The following TCF20 variants were observed in gnomAD, a reference collection of about 807,000 sequenced individuals.
TCF20 encodes the protein transcription factor 20.
In TCF20, 3 loss-of-function variants were observed where a neutral mutation model predicts 148.6. The ratio of observed to expected loss-of-function variants is 0.02; its 90% CI spans 0.01 to 0.05. TCF20 has a LOEUF of 0.05. Ranked by LOEUF, TCF20 falls within the 10% of genes least tolerant of loss-of-function variation. The probability of loss-of-function intolerance (pLI) is 1.00; values close to 1 mark genes in which losing one functional copy is unlikely to be tolerated. For synonymous variants in TCF20, 1,049 were observed against 909.5 expected (o/e 1.15, Z -2.76); for missense variants, 2,350 against 2,429.3 (o/e 0.97, Z 0.69).
At chr22:42,341,818 G>C (rs1385107129) in intron 1 of TCF20, among the ~76,000 whole-genome samples, 1 of 152,164 alleles carries the variant, frequency 6.6e-6, no homozygotes, top group Non-Finnish European at 1.5e-5. Context: ...CACATTGAGA[G>C]CAATAATGGA....
chr22:42,179,079 A>C (rs1464796850), intron 3 of TCF20, among the ~76,000 whole-genome samples: 1 of 151,884 alleles, frequency 6.6e-6, no homozygotes, highest in Non-Finnish European at 1.5e-5. Context: ...AGCAAGTGTC[A>C]GGGAGGACCT....
At chr22:42,302,568 A>C (rs4822103) in intron 1 of TCF20, among the ~76,000 whole-genome samples, 96,676 of 152,112 alleles carry the variant, frequency 0.64, 31,007 homozygotes, top group South Asian at 0.72. Context: ...GTGGAAGGCA[A>C]AGACAGAGAC....
At chr22:42,176,078 G>A (rs1342423473) in intron 3 of TCF20, among the ~76,000 whole-genome samples, 1 of 152,198 alleles carries the variant, frequency 6.6e-6, no homozygotes, top group Non-Finnish European at 1.5e-5. Context: ...TTACAGGTGT[G>A]AGCCACCACA....
At chr22:42,281,487 C>G (rs906834928) in intron 1 of TCF20, among the ~76,000 whole-genome samples, 1 of 152,214 alleles carries the variant, frequency 6.6e-6, no homozygotes, top group East Asian at 1.9e-4. Context: ...TCCCTTCCAA[C>G]GGCTTCAGCC....
chr22:42,195,499 A>G (rs1164492238), intron 2 of TCF20, among the ~76,000 whole-genome samples: 1 of 149,876 alleles, frequency 6.7e-6, no homozygotes, highest in African/African-American at 2.5e-5. Flanking sequence ...AATATTACAT[A>G]CTTTTTTTTT....
At chr22:42,289,630 G>A (rs1463187582) in intron 1 of TCF20, among the ~76,000 whole-genome samples, 2 of 152,234 alleles carry the variant, frequency 1.3e-5, no homozygotes, top group African/African-American at 4.8e-5. Context: ...GTGGGTCTGT[G>A]ACCCTGAACT....
chr22:42,267,175 G>A (rs908248342), intron 1 of TCF20, among the ~76,000 whole-genome samples: 1 of 152,138 alleles, frequency 6.6e-6, no homozygotes, highest in African/African-American at 2.4e-5. Flanking sequence ...GCTGAGGCAG[G>A]AGACTCGCTT....
At chr22:42,293,887 C>A (rs1927177887) in intron 1 of TCF20, among the ~76,000 whole-genome samples, 1 of 152,226 alleles carries the variant, frequency 6.6e-6, no homozygotes, top group Non-Finnish European at 1.5e-5. Flanking sequence ...GTAATCCCAG[C>A]TACTCAGGAG....
At chr22:42,188,814 G>A (rs1937184492) in intron 2 of TCF20, among the ~76,000 whole-genome samples, 2 of 152,136 alleles carry the variant, frequency 1.3e-5, no homozygotes, top group East Asian at 3.8e-4. Flanking sequence ...CTGAAATGGG[G>A]AGCCAAAAGT....
rs565349831 is a variant in TCF20 at position 42,239,072 on chromosome 22, C to T, written c.-36-23731G>A. Among the ~76,000 whole-genome samples the T allele has an allele frequency of 7.9e-5, 12 of 151,788 alleles. No homozygotes were observed. The East Asian group carries it at 1.6e-3, about 20-fold the overall frequency. On this transcript the variant is annotated intron_variant, in intron 1 of 5. Coordinates refer to ENST00000677622, the MANE Select transcript of TCF20 (RefSeq NM_001378418.1). ...GGCAGAGCTTGCAGTGAGCCGAAATCGCACCACTGCACTCCAGCCTGGGCG... is the reference window on the plus strand; with the variant it reads ...GGCAGAGCTTGCAGTGAGCCGAAATTGCACCACTGCACTCCAGCCTGGGCG...
chr22:42,313,485 G>A (rs1927572733), intron 1 of TCF20, among the ~76,000 whole-genome samples: 2 of 151,914 alleles, frequency 1.3e-5, no homozygotes, highest in South Asian at 2.1e-4. Flanking sequence ...GGGGTGCCTC[G>A]ATCATCTGCC....
intron 2 of TCF20, among the ~76,000 whole-genome samples, chr22:42,192,474 T>C (rs1022199253): frequency 6.6e-6 from 1 of 152,192 alleles, no homozygotes; most frequent in African/African-American, 2.4e-5. Context: ...GGTTGAGGTA[T>C]TGTCAGGCAA....
intron 1 of TCF20, among the ~76,000 whole-genome samples, chr22:42,225,161 A>T (rs1389052150): frequency 6.6e-6 from 1 of 151,926 alleles, no homozygotes; most frequent in Non-Finnish European, 1.5e-5. Context: ...ACGTCCGGCT[A>T]ATTTTTGTAT....
At position 42,311,238 on chromosome 22, in the gene TCF20, G is replaced by A. The variant is rs75589103; in HGVS notation, c.-37+32241C>T. 5.8e-3 allele frequency among the ~76,000 whole-genome samples: 885 copies of A among 152,366 alleles called. 12 individuals are homozygous for A. The highest frequency in any genetic ancestry group is 0.02 in the African/African-American group (849 of 41,578). On this transcript the variant is annotated intron_variant, in intron 1 of 1. Transcript: ENST00000515426. ...CCTGCGGGGCTGGCGACTGGGACCT[G>A]CAGTCAGGGAGGCAGAAGGGGGCTG... is the stretch of plus-strand genomic sequence containing the variant.
chr22:42,263,824 A>T (rs1332403692), intron 1 of TCF20, among the ~76,000 whole-genome samples: 1 of 151,888 alleles, frequency 6.6e-6, no homozygotes, highest in African/African-American at 2.4e-5. Context: ...TCCTTTTTCC[A>T]CTCAAGAGCC....
chr22:42,287,300 A>G (rs1392487145), upstream of TCF20, among the ~76,000 whole-genome samples: 1 of 152,170 alleles, frequency 6.6e-6, no homozygotes, highest in Non-Finnish European at 1.5e-5. Flanking sequence ...CAAAGAAACC[A>G]GAACGTCTGA....
intron 1 of TCF20, among the ~76,000 whole-genome samples, chr22:42,281,458 C>T (rs182169323): frequency 5.4e-4 from 83 of 152,322 alleles, no homozygotes; most frequent in African/African-American, 1.9e-3. Flanking sequence ...CTTCCACTGT[C>T]GCCGCCTCTC....
chr22:42,168,471 A>C, intron 5 of TCF20, 138 bp downstream of exon 5: 1 of 1,302,850 alleles, frequency 7.7e-7, no homozygotes, highest in African/African-American at 1.5e-5. Context: ...AACCAATGGA[A>C]GAACACTGCA....
intron 1 of TCF20, among the ~76,000 whole-genome samples, chr22:42,244,200 A>C (rs1004120818): frequency 5.3e-5 from 8 of 152,140 alleles, no homozygotes; most frequent in African/African-American, 1.9e-4. Flanking sequence ...GGGAATATAA[A>C]ATATTCAGCC....
Sources: gnomAD v4.1 joint callset for allele counts (sites outside exome capture counted in the v4.1 genomes callset) on GRCh38, gnomAD v4.1.1 for gene constraint, MANE v1.5 for transcripts, NCBI Gene and HGNC (gene_info 2026-07-23, HGNC 2026-07-21) for gene names.